PUS10: variants seen among roughly 807,000 people sequenced by gnomAD.
PUS10 encodes the protein pseudouridine synthase 10, also known as tRNA pseudouridine synthase Pus10.
In PUS10, 59 loss-of-function variants were observed where a neutral mutation model predicts 75.0. The ratio of observed to expected loss-of-function variants is 0.79; its 90% CI spans 0.64 to 0.98. The LOEUF is 0.98. Ranked by LOEUF, PUS10 falls within the 50% of genes least tolerant of loss-of-function variation. The probability of loss-of-function intolerance (pLI) is 0.00; values close to 1 mark genes in which losing one functional copy is unlikely to be tolerated. For synonymous variants in PUS10, 219 were observed against 211.6 expected (o/e 1.03, Z -0.30); for missense variants, 650 against 614.4 (o/e 1.06, Z -0.61).
At chr2:61,017,317 G>A (rs1680065320) in intron 1 of PUS10, 1 of 157,558 alleles carries the variant, frequency 6.3e-6, no homozygotes, top group African/African-American at 2.4e-5. Context: ...CTAGGACTAA[G>A]TGAGCTTCTC....
chr2:60,971,408 C>A, intron 5 of PUS10, 115 bp downstream of exon 5: 2 of 918,984 alleles, frequency 2.2e-6, no homozygotes, highest in Non-Finnish European at 3.6e-6. Context: ...GTGCTAATTT[C>A]TCTAGTAGCT....
intron 4 of PUS10, chr2:60,998,923 A>G (rs979438799): frequency 7.2e-5 from 11 of 152,190 alleles, no homozygotes; most frequent in Non-Finnish European, 1.6e-4. Context: ...TGCAGATATA[A>G]AGTATAATAA....
chr2:60,978,884 G>A (rs1369029201), intron 4 of PUS10, among the ~76,000 whole-genome samples: 1 of 152,208 alleles, frequency 6.6e-6, no homozygotes, highest in Non-Finnish European at 1.5e-5. Flanking sequence ...AACACAGATT[G>A]GCAGGACTTG....
At chr2:61,007,845 G>A (rs894018575) in intron 3 of PUS10, among the ~76,000 whole-genome samples, 3 of 151,588 alleles carry the variant, frequency 2.0e-5, no homozygotes, top group African/African-American at 7.3e-5. Flanking sequence ...CAGCACTTTG[G>A]GCCAAGGCGG....
At chr2:60,982,402 A>G (rs1677452300) in intron 4 of PUS10, among the ~76,000 whole-genome samples, 1 of 152,102 alleles carries the variant, frequency 6.6e-6, no homozygotes, top group South Asian at 2.1e-4. Flanking sequence ...AGCTGGGATT[A>G]CAGGTGTGCA....
chr2:61,007,227 T>TA (rs1558992323), intron 3 of PUS10, among the ~76,000 whole-genome samples: 19 of 89,390 alleles, frequency 2.1e-4, no homozygotes, highest in East Asian at 6.2e-4. Context: ...TTTTTTTTTT[T>TA]TAAAAAAAAG....
intron 15 of PUS10, among the ~76,000 whole-genome samples, chr2:60,951,893 T>C (rs1675359735): frequency 6.6e-6 from 1 of 152,240 alleles, no homozygotes; most frequent in Non-Finnish European, 1.5e-5. Context: ...GGCTGAATAG[T>C]AGTGGTCCAT....
intron 1 of PUS10, chr2:61,017,398 A>C (rs896025765): frequency 5.2e-6 from 1 of 191,118 alleles, no homozygotes; most frequent in African/African-American, 2.3e-5. Flanking sequence ...CCCACGAGCG[A>C]AGGAGTGCGT....
At chr2:60,994,367 A>G (rs979245027) in intron 4 of PUS10, among the ~76,000 whole-genome samples, 3 of 149,456 alleles carry the variant, frequency 2.0e-5, no homozygotes, top group Non-Finnish European at 3.0e-5. Flanking sequence ...ACATACATGC[A>G]TCAATCTTCC....
intron 4 of PUS10, among the ~76,000 whole-genome samples, chr2:60,992,035 A>G (rs1296809061): frequency 6.7e-6 from 1 of 149,028 alleles, no homozygotes; most frequent in African/African-American, 2.5e-5. Context: ...TTTTTGAGAC[A>G]GGGTTTCGCT....
intron 15 of PUS10, among the ~76,000 whole-genome samples, chr2:60,951,209 C>T (rs1675319559): frequency 6.6e-6 from 1 of 152,098 alleles, no homozygotes; most frequent in Non-Finnish European, 1.5e-5. Context: ...TATGTGTATA[C>T]ATATACATAT....
At chr2:60,986,095 A>G (rs1453203337) in intron 4 of PUS10, among the ~76,000 whole-genome samples, 5 of 152,196 alleles carry the variant, frequency 3.3e-5, no homozygotes. Flanking sequence ...CTTCATTGAT[A>G]GATCAATAAC....
chr2:61,011,983 A>C (rs1679637515), intron 1 of PUS10, 78 bp from the exon 2 acceptor site: 2 of 1,156,588 alleles, frequency 1.7e-6, no homozygotes, highest in East Asian at 2.6e-5. Context: ...TTTAGGGATA[A>C]AAACTAGCTT....
chr2:60,961,348 A>C, intron 10 of PUS10, 115 bp downstream of exon 10: 1 of 820,176 alleles, frequency 1.2e-6, no homozygotes, highest in East Asian at 2.4e-5. Context: ...TCAAGAGAGT[A>C]AACTTATTAG....
At chr2:61,017,819 C>CGGACCG (rs1292457432) in intron 1 of PUS10, 189 bp downstream of exon 1, 1 of 1,550,434 alleles carries the variant, frequency 6.4e-7, no homozygotes, top group African/African-American at 1.4e-5. Context: ...TTCCGGGAGC[C>CGGACCG]GGACCGGGAC....
chr2:60,994,915 C>G (rs1244607979), intron 4 of PUS10, among the ~76,000 whole-genome samples: 2 of 152,132 alleles, frequency 1.3e-5, no homozygotes, highest in East Asian at 1.9e-4. Flanking sequence ...AAGGCAAAAC[C>G]CTGTCTCTAC....
intron 4 of PUS10, among the ~76,000 whole-genome samples, chr2:60,988,635 TTTTG>T (rs1440520859): frequency 2.0e-5 from 3 of 152,042 alleles, no homozygotes; most frequent in Admixed American, 1.3e-4. Context: ...AGGATGCGGT[TTTTG>T]TTTGTTTGTT....
intron 2 of PUS10, chr2:61,010,755 T>C: frequency 6.5e-7 from 1 of 1,548,244 alleles, no homozygotes; most frequent in Non-Finnish European, 8.7e-7. Context: ...GGAACTGGGA[T>C]TCAAATCCAT....
chr2:60,957,578 C>T (rs13383715), intron 11 of PUS10, among the ~76,000 whole-genome samples: 2,690 of 152,358 alleles, frequency 0.018, 83 homozygotes, highest in African/African-American at 0.059. Context: ...ATGGGTCTCA[C>T]GGGAGATTAA....
Sources: allele counts gnomAD v4.1 joint callset (sites outside exome capture counted in the v4.1 genomes callset), GRCh38; gene constraint gnomAD v4.1.1; transcripts MANE v1.5; gene names NCBI Gene and HGNC (gene_info 2026-07-23, HGNC 2026-07-21).